HMCN1: variants seen among roughly 807,000 people sequenced by gnomAD.
HMCN1 encodes the protein hemicentin-1.
In HMCN1, 321 loss-of-function variants were observed where a neutral mutation model predicts 625.9. The observed-to-expected ratio is 0.51, with a 90% confidence interval of 0.47 to 0.56. The LOEUF (loss-of-function observed/expected upper bound fraction) is 0.56, where lower values mean the gene tolerates loss of function less well. Among genes scored for constraint, HMCN1 ranks in the 20% least tolerant of loss-of-function variants. The pLI, the probability that HMCN1 is intolerant of heterozygous loss-of-function variation, is 0.00. For synonymous variants in HMCN1, 2,425 were observed against 2,417.6 expected (o/e 1.00, Z -0.09); for missense variants, 6,588 against 6,887.3 (o/e 0.96, Z 1.54).
chr1:185,991,404 G>T (rs562218551), intron 22 of HMCN1, among the ~76,000 whole-genome samples: 2 of 151,958 alleles, frequency 1.3e-5, no homozygotes, highest in African/African-American at 2.4e-5. Context: ...TTCCACAGTC[G>T]CAGTTTCTCC....
intron 1 of HMCN1, among the ~76,000 whole-genome samples, chr1:185,741,831 G>A (rs764360881): frequency 6.6e-6 from 1 of 152,206 alleles, no homozygotes; most frequent in Non-Finnish European, 1.5e-5. Context: ...AGAATTCAAA[G>A]AGAATGGGAA....
At chr1:185,810,056 T>C (rs1231820434) in intron 1 of HMCN1, among the ~76,000 whole-genome samples, 1 of 152,166 alleles carries the variant, frequency 6.6e-6, no homozygotes, top group Non-Finnish European at 1.5e-5. Flanking sequence ...TCAGGAATTA[T>C]TGGTAACTGC....
intron 4 of HMCN1, among the ~76,000 whole-genome samples, chr1:185,892,416 T>C (rs1365042348): frequency 6.6e-6 from 1 of 151,814 alleles, no homozygotes; most frequent in Non-Finnish European, 1.5e-5. Context: ...GTTTTTCTGT[T>C]CTGTTTTTTC....
intron 77 of HMCN1, among the ~76,000 whole-genome samples, chr1:186,118,388 T>C (rs1661235159): frequency 6.6e-6 from 1 of 152,216 alleles, no homozygotes; most frequent in Non-Finnish European, 1.5e-5. Flanking sequence ...GACAAATTAT[T>C]TTGACTATGG....
chr1:185,924,486 A>G (rs1667173678), intron 8 of HMCN1, among the ~76,000 whole-genome samples: 1 of 151,974 alleles, frequency 6.6e-6, no homozygotes, highest in South Asian at 2.1e-4. Context: ...TCATTTATAC[A>G]TAAGATAGTG....
At chr1:185,738,609 T>C (rs1287633509) in intron 1 of HMCN1, among the ~76,000 whole-genome samples, 1 of 152,244 alleles carries the variant, frequency 6.6e-6, no homozygotes, top group Non-Finnish European at 1.5e-5. Context: ...AGTAACTCTA[T>C]GTTTAACTGT....
At chr1:186,105,878 G>A (rs1242119277) in intron 69 of HMCN1, among the ~76,000 whole-genome samples, 1 of 152,148 alleles carries the variant, frequency 6.6e-6, no homozygotes, top group African/African-American at 2.4e-5. Context: ...AGAAGAGTTA[G>A]TTTTAGAGAT....
At chr1:186,048,876 CTGTGGTTTTT>C in intron 42 of HMCN1, 37 bp downstream of exon 42, 1 of 1,286,736 alleles carries the variant, frequency 7.8e-7, no homozygotes, top group Non-Finnish European at 1.1e-6. Context: ...AATAATGCAG[CTGTGGTTTTT>C]TGTGTCACTT....
At chr1:186,118,135 G>A (rs1661224151) in intron 77 of HMCN1, among the ~76,000 whole-genome samples, 1 of 152,000 alleles carries the variant, frequency 6.6e-6, no homozygotes, top group Admixed American at 6.6e-5. Flanking sequence ...TTTTATAGTG[G>A]TAGTAACCCT....
chr1:185,826,610 A>C (rs749758081), intron 1 of HMCN1, among the ~76,000 whole-genome samples: 2 of 152,196 alleles, frequency 1.3e-5, no homozygotes, highest in African/African-American at 2.4e-5. Context: ...AGCAGTAAAA[A>C]AGATGGGCCA....
At chr1:186,038,763 A>G (rs1656004175) in intron 37 of HMCN1, 66 bp from the exon 38 acceptor site, 1 of 882,422 alleles carries the variant, frequency 1.1e-6, no homozygotes, top group Non-Finnish European at 1.9e-6. Context: ...CTTAGCTAAG[A>G]TCCAACTTAG....
intron 1 of HMCN1, among the ~76,000 whole-genome samples, chr1:185,813,861 G>T (rs996744324): frequency 6.6e-6 from 1 of 152,056 alleles, no homozygotes; most frequent in Non-Finnish European, 1.5e-5. Flanking sequence ...ACACACACCA[G>T]AAACTGGAAC....
chr1:185,829,981 A>T (rs1033015817), intron 1 of HMCN1, among the ~76,000 whole-genome samples: 13 of 152,108 alleles, frequency 8.5e-5, no homozygotes. Flanking sequence ...TTTGATTTGC[A>T]TTTATCTGAT....
chr1:186,115,302 G>C lies in HMCN1; in HGVS notation c.11449G>C (p.Val3817Leu). ...APGPTNMTVIVNVQTTLACEA... is the reference protein window; with the variant it reads ...APGPTNMTVILNVQTTLACEA... Reference sequence around the variant, plus strand: ...GGGTCCTACCAACATGACTGTAATAGTAAATGTTCAAACTACTCTGGCTTG... The same window carrying C: ...GGGTCCTACCAACATGACTGTAATACTAAATGTTCAAACTACTCTGGCTTG... The change falls in exon 75 of 107, where the codon GTA becomes CTA. Residue 3817 changes from valine to leucine, a missense_variant. Val to Leu is a conservative substitution (Grantham distance 32, BLOSUM62 1). Coordinates refer to ENST00000271588, the MANE Select transcript of HMCN1 (RefSeq NM_031935.3). The C allele has an allele frequency of 6.2e-7, 1 of 1,613,962 alleles. No individual in the cohort carries two copies. The highest frequency in any genetic ancestry group is 1.6e-4 in the Middle Eastern group (1 of 6,062).
chr1:186,091,883 T>C (rs771674118), intron 64 of HMCN1, among the ~76,000 whole-genome samples: 10 of 152,028 alleles, frequency 6.6e-5, no homozygotes, highest in Non-Finnish European at 1.2e-4. Flanking sequence ...TTGTATTCAT[T>C]GTGTATTAAA....
In HMCN1 at chr1:186,007,140, G is replaced by C. The variant is rs769130939; in HGVS notation, c.4488G>C (p.Leu1496Phe). ...TTATTTTTTCTAGGCCTTTATTTTT[G>C]GGCGATCCTAATGTTGAACTTCTAG... is the stretch of plus-strand genomic sequence containing the variant. ...HWFKDGKPLF[L>F]GDPNVELLDR... The change falls in exon 30 of 107, where the codon TTG becomes TTC. Residue 1496 changes from leucine (L) to phenylalanine (F), a missense_variant. Physicochemically the swap from Leu to Phe is conservative, Grantham distance 22. Coordinates refer to ENST00000271588, the MANE Select transcript of HMCN1 (RefSeq NM_031935.3). 1 of 1,611,864 alleles carries C rather than the reference G, an allele frequency of 6.2e-7. No individual in the cohort carries two copies. The highest frequency in any genetic ancestry group is 8.5e-7 in the Non-Finnish European group (1 of 1,178,350).
At chr1:186,056,503 G>A (rs1336875046) in intron 45 of HMCN1, among the ~76,000 whole-genome samples, 1 of 151,890 alleles carries the variant, frequency 6.6e-6, no homozygotes, top group Non-Finnish European at 1.5e-5. Context: ...AATCAGCCTA[G>A]GTGCTGATTA....
intron 93 of HMCN1, among the ~76,000 whole-genome samples, chr1:186,148,947 T>A (rs1008789141): frequency 6.6e-6 from 1 of 152,062 alleles, no homozygotes; most frequent in Non-Finnish European, 1.5e-5. Flanking sequence ...TTTTTTTTTT[T>A]TTTTATTTTC....
chr1:186,067,870 A>G lies in HMCN1; in HGVS notation c.7742A>G (p.Asn2581Ser). ...PTIAGVGSDG[N>S]PEDVTVILNS... ...ATTGCTGGTGTAGGTAGTGATGGCA[A>G]CCCTGAAGATGTCACTGTCATCCTT... The change falls in exon 50 of 107, where the codon AAC (asparagine) becomes AGC (serine). Residue 2581 changes from asparagine to serine, a missense_variant. Transcript: ENST00000271588. The G allele has an allele frequency of 6.2e-7, 1 of 1,613,282 alleles. No homozygotes were observed.
Sources: gnomAD v4.1 joint callset for allele counts (sites outside exome capture counted in the v4.1 genomes callset) on GRCh38, gnomAD v4.1.1 for gene constraint, MANE v1.5 for transcripts, NCBI Gene and HGNC (gene_info 2026-07-23, HGNC 2026-07-21) for gene names.